The following EYA2 variants were observed in gnomAD, a reference collection of about 807,000 sequenced individuals.
The protein encoded by EYA2 is protein phosphatase EYA2.
Under a neutral mutation model 69.2 loss-of-function variants are expected in EYA2, and 31 were observed. The observed-to-expected ratio is 0.45, with a 90% CI of 0.34 to 0.60. The LOEUF (loss-of-function observed/expected upper bound fraction) is 0.60, where lower values mean the gene tolerates loss of function less well. Ranked by LOEUF, EYA2 falls within the 20% of genes least tolerant of loss-of-function variation. EYA2 has a pLI of 0.02. For synonymous variants in EYA2, 257 were observed against 279.4 expected (o/e 0.92, Z 0.80); for missense variants, 622 against 701.2 (o/e 0.89, Z 1.28).
chr20:47,069,157 T>C (rs1360548137), intron 5 of EYA2, among the ~76,000 whole-genome samples: 1 of 152,060 alleles, frequency 6.6e-6, no homozygotes, highest in African/African-American at 2.4e-5. Context: ...CAAAACAAAC[T>C]TGAAAAAGAA....
intron 7 of EYA2, among the ~76,000 whole-genome samples, chr20:47,075,166 TG>T (rs1279013795): frequency 6.6e-6 from 1 of 152,240 alleles, no homozygotes; most frequent in Admixed American, 6.5e-5. Context: ...AGCACATACC[TG>T]TGTGGTCTTC....
At chr20:47,152,399 T>C (rs921882650) in intron 10 of EYA2, among the ~76,000 whole-genome samples, 1 of 151,258 alleles carries the variant, frequency 6.6e-6, no homozygotes, top group South Asian at 2.1e-4. Flanking sequence ...TTTTTTTTTT[T>C]CTCAAAGAGT....
At chr20:47,072,610 G>A (rs1218321675) in intron 6 of EYA2, among the ~76,000 whole-genome samples, 2 of 152,134 alleles carry the variant, frequency 1.3e-5, no homozygotes, top group Non-Finnish European at 2.9e-5. Flanking sequence ...CGTATATCTT[G>A]CTCACCTCTG....
chr20:47,059,235 C>G (rs1026123598), intron 5 of EYA2, among the ~76,000 whole-genome samples: 9 of 152,176 alleles, frequency 5.9e-5, no homozygotes, highest in African/African-American at 2.2e-4. Context: ...TGCCACAGTT[C>G]CTGGGACATA....
chr20:47,127,369 C>T (rs2033219412), intron 9 of EYA2, among the ~76,000 whole-genome samples: 1 of 152,018 alleles, frequency 6.6e-6, no homozygotes, highest in Non-Finnish European at 1.5e-5. Flanking sequence ...TTTGGAAGGC[C>T]GAGGCGAGAG....
intron 8 of EYA2, among the ~76,000 whole-genome samples, chr20:47,094,090 G>A (rs1218662336): frequency 2.0e-5 from 3 of 152,220 alleles, no homozygotes; most frequent in Non-Finnish European, 4.4e-5. Context: ...AGGGTCACCT[G>A]CAGAATGGCC....
intron 9 of EYA2, among the ~76,000 whole-genome samples, chr20:47,101,346 C>T (rs1237594111): frequency 2.6e-5 from 4 of 152,206 alleles, no homozygotes; most frequent in Non-Finnish European, 5.9e-5. Flanking sequence ...CTCGGCCTCC[C>T]AAAGTTCTGG....
chr20:47,169,125 C>A lies in EYA2; in HGVS notation c.979-14C>A. On this transcript the variant is annotated splice_polypyrimidine_tract_variant and intron_variant, in intron 10 of 15. Coordinates refer to ENST00000327619, the MANE Select transcript of EYA2 (RefSeq NM_005244.5). The stretch of plus-strand genomic sequence containing the variant: ...GTTCTCTCTCTCTCTCTCTCTCTGT[C>A]AAATTTTCCATAGGATTGTGACCAG... 6.2e-7 allele frequency: 1 copy of A among 1,612,000 alleles called. No homozygotes were observed. Among genetic ancestry groups the A allele is most frequent in the South Asian group, 1.1e-5 (1 of 91,000 alleles).
chr20:46,918,997 T>C (rs552962952), intron 1 of EYA2, among the ~76,000 whole-genome samples: 1 of 152,338 alleles, frequency 6.6e-6, no homozygotes, highest in South Asian at 2.1e-4. Context: ...CGTGGACTGT[T>C]GTGAGCAGTA....
chr20:47,101,135 G>C (rs560655604), intron 9 of EYA2, among the ~76,000 whole-genome samples: 1 of 151,902 alleles, frequency 6.6e-6, no homozygotes, highest in Non-Finnish European at 1.5e-5. Context: ...GCCCAGGCTG[G>C]AGTGCAGTAG....
intron 5 of EYA2, among the ~76,000 whole-genome samples, chr20:47,035,644 C>T (rs1268171413): frequency 6.6e-6 from 1 of 152,078 alleles, no homozygotes; most frequent in Non-Finnish European, 1.5e-5. Context: ...CTGACAAATA[C>T]CTAGTGACCA....
chr20:46,963,118 T>C (rs1292539622), intron 1 of EYA2, among the ~76,000 whole-genome samples: 2 of 152,228 alleles, frequency 1.3e-5, no homozygotes, highest in Admixed American at 1.3e-4. Context: ...GGTAACTTGC[T>C]TGATGACACA....
Position 47,001,413 on chromosome 20 carries a change from C to A in EYA2, c.110-15C>A, listed in dbSNP as rs1450475735. 1 of 1,613,828 alleles carries A rather than the reference C, an allele frequency of 6.2e-7. No homozygotes were observed. Among genetic ancestry groups the A allele is most frequent in the Admixed American group, 1.7e-5 (1 of 60,024 alleles). On this transcript the variant is annotated splice_polypyrimidine_tract_variant and intron_variant, in intron 2 of 15. Coordinates refer to ENST00000327619, the MANE Select transcript of EYA2 (RefSeq NM_005244.5). Reference sequence around the variant, plus strand: ...AATCGCTAAAACTCTTCCAATTTTTCTTTTTCTCCTGCAGGCATCACCAAA... The same window carrying A: ...AATCGCTAAAACTCTTCCAATTTTTATTTTTCTCCTGCAGGCATCACCAAA...
At chr20:46,966,640 C>T (rs909756875) in intron 1 of EYA2, among the ~76,000 whole-genome samples, 6 of 152,040 alleles carry the variant, frequency 3.9e-5, no homozygotes, top group Admixed American at 3.3e-4. Context: ...AACCCTGTCT[C>T]TACTCAAAAT....
At chr20:46,998,530 C>G (rs1167325260) in intron 2 of EYA2, 2 of 152,406 alleles carry the variant, frequency 1.3e-5, no homozygotes, top group East Asian at 3.9e-4. Context: ...AAGGCGTTCT[C>G]TGCTCTTGGG....
chr20:47,042,792 C>T (rs1455227897), intron 5 of EYA2, among the ~76,000 whole-genome samples: 2 of 152,140 alleles, frequency 1.3e-5, no homozygotes, highest in East Asian at 1.9e-4. Flanking sequence ...CACCTCCAGC[C>T]GTCACCTCCA....
At chr20:47,053,110 G>A (rs1476290601) in intron 5 of EYA2, among the ~76,000 whole-genome samples, 5 of 151,954 alleles carry the variant, frequency 3.3e-5, no homozygotes, top group African/African-American at 4.8e-5. Context: ...GTAGTTTCTC[G>A]ACCTTTTTTT....
chr20:46,989,406 C>T (rs1276906389), intron 1 of EYA2, among the ~76,000 whole-genome samples: 1 of 152,198 alleles, frequency 6.6e-6, no homozygotes, highest in Non-Finnish European at 1.5e-5. Context: ...GCTGGGACTA[C>T]AGGCATACGC....
chr20:46,999,995 C>T (rs76792237), intron 2 of EYA2, among the ~76,000 whole-genome samples: 1 of 152,188 alleles, frequency 6.6e-6, no homozygotes, highest in East Asian at 1.9e-4. Context: ...TGACTGTCAT[C>T]GTCAGCTGTA....
Sources: gnomAD v4.1 joint callset for allele counts (sites outside exome capture counted in the v4.1 genomes callset) on GRCh38, gnomAD v4.1.1 for gene constraint, MANE v1.5 for transcripts, NCBI Gene and HGNC (gene_info 2026-07-23, HGNC 2026-07-21) for gene names.